The following PPP4R3B variants were observed in gnomAD, a reference collection of about 807,000 sequenced individuals.
PPP4R3B encodes serine/threonine-protein phosphatase 4 regulatory subunit 3B.
A neutral mutation model predicts 95.4 loss-of-function variants in PPP4R3B; 52 were observed. The ratio of observed to expected loss-of-function variants is 0.54; its 90% CI spans 0.44 to 0.69. The LOEUF (loss-of-function observed/expected upper bound fraction) is 0.69, where lower values mean the gene tolerates loss of function less well. PPP4R3B is among the 30% of genes least tolerant of loss of function. The pLI, the probability that PPP4R3B is intolerant of heterozygous loss-of-function variation, is 0.00. For missense variants in PPP4R3B, 1,003 were observed against 1,005.9 expected, an observed-to-expected ratio of 1.00 and a Z score of 0.04; for synonymous variants, 407 against 343.9, an observed-to-expected ratio of 1.18 and a Z score of -2.03.
chr2:55,559,111 G>C (rs948636265), intron 15 of PPP4R3B, 143 bp from the exon 16 acceptor site: 1 of 603,738 alleles, frequency 1.7e-6, no homozygotes, highest in Non-Finnish European at 2.8e-6. Flanking sequence ...ACTTTGGGAG[G>C]CTGAGGCAGG....
rs1030142573 is a variant in PPP4R3B at position 55,549,230 on chromosome 2, G to C, written c.*681C>G. On this transcript the variant is annotated 3_prime_UTR_variant, in exon 17 of 17. Coordinates refer to ENST00000616407, the MANE Select transcript of PPP4R3B (RefSeq NM_001122964.3). Reference sequence around the variant, plus strand: ...TTCTTGGCCTTCGTTGTCTCTAAAAGTGCTGATTTTAACATTATCTTAAAA... The same window carrying C: ...TTCTTGGCCTTCGTTGTCTCTAAAACTGCTGATTTTAACATTATCTTAAAA... 1 of 152,498 alleles carries C rather than the reference G, an allele frequency of 6.6e-6. No homozygotes were observed. The highest frequency in any genetic ancestry group is 2.4e-5 in the African/African-American group (1 of 41,448). The allele number at this position is 152,498 out of a possible 1,614,324, so 9.4% of individuals were successfully genotyped here. A position where few individuals can be genotyped will look rare whatever the true frequency, so the allele number is the denominator to read the frequency against.
At chr2:55,617,113 ATCCCCTAT>A in intron 1 of PPP4R3B, 23 bp downstream of exon 1, 2 of 1,585,792 alleles carry the variant, frequency 1.3e-6, no homozygotes, top group Non-Finnish European at 8.6e-7. Flanking sequence ...CAGAGGCACT[ATCCCCTAT>A]TCTACAGTTC....
intron 7 of PPP4R3B, 64 bp downstream of exon 7, chr2:55,584,987 A>T: frequency 8.8e-7 from 1 of 1,133,808 alleles, no homozygotes; most frequent in African/African-American, 1.6e-5. Flanking sequence ...TTTTTCTCTC[A>T]ATAGTTTGCA....
At chr2:55,596,721 G>A (rs1304940428) in intron 4 of PPP4R3B, among the ~76,000 whole-genome samples, 5 of 152,232 alleles carry the variant, frequency 3.3e-5, no homozygotes, top group Admixed American at 2.0e-4. Context: ...CCAGCACTTT[G>A]GGAGGCCAAG....
At chr2:55,595,809 A>G (rs914625515) in intron 4 of PPP4R3B, among the ~76,000 whole-genome samples, 38 of 152,144 alleles carry the variant, frequency 2.5e-4, no homozygotes, top group Non-Finnish European at 3.5e-4. Context: ...AAATGCCTGT[A>G]AGAGGGGCTC....
chr2:55,553,182 A>T (rs1685442517), intron 16 of PPP4R3B, among the ~76,000 whole-genome samples: 2 of 152,214 alleles, frequency 1.3e-5, no homozygotes, highest in Admixed American at 1.3e-4. Context: ...AGGCAAAGTA[A>T]AGGGCATGGG....
rs189593237 is a variant in PPP4R3B at position 55,584,783 on chromosome 2, T to C, written c.1233+268A>G. Among the ~76,000 whole-genome samples the C allele has an allele frequency of 1.2e-3, 182 of 152,336 alleles. 1 individual carries two copies. The highest frequency in any genetic ancestry group is 0.01 in the Middle Eastern group (3 of 294). ...GCTTGAAATTACATTTCATTAACACTTGAAATTTAAGACCAATATTTACAA... is the reference window on the plus strand; with the variant it reads ...GCTTGAAATTACATTTCATTAACACCTGAAATTTAAGACCAATATTTACAA... On this transcript the variant is annotated intron_variant, in intron 7 of 16. Transcript: ENST00000616407.
At position 55,586,746 on chromosome 2, in the gene PPP4R3B, GA is replaced by G. The variant is rs1405845430; in HGVS notation, c.1000-13del. ...TTGAAAAAATTAACCTGTAATGTCA[GA>G]AATTTTAGTGAGACATTGATAAACA... On this transcript the variant is annotated splice_polypyrimidine_tract_variant and intron_variant, in intron 5 of 16. Coordinates refer to ENST00000616407, the MANE Select transcript of PPP4R3B (RefSeq NM_001122964.3). 6.6e-7 allele frequency: 1 copy of G among 1,509,982 alleles called. No homozygotes were observed. The allele number at this position is 1,509,982 out of a possible 1,614,324, so 93.5% of individuals were successfully genotyped here.
intron 2 of PPP4R3B, 78 bp downstream of exon 2, chr2:55,615,373 G>C: frequency 9.7e-7 from 1 of 1,029,134 alleles, no homozygotes; most frequent in South Asian, 1.4e-5. Flanking sequence ...TGTCAGGAAA[G>C]CTTTCCCACC....
At position 55,549,978 on chromosome 2, in the gene PPP4R3B, G is replaced by A; in HGVS notation, c.2483C>T (p.Pro828Leu). ...TTCTTCATCTTCCTCTTCATCATCT[G>A]GATAATCCACTAAGCCAACCAAACT... ...KGSLVGLVDYPDDEEEDEEEE... is the reference protein window; with the variant it reads ...KGSLVGLVDYLDDEEEDEEEE... The change falls in exon 17 of 17, where the codon CCA becomes CTA. Residue 828 changes from proline to leucine, a missense_variant. Pro to Leu is a moderately conservative substitution (Grantham distance 98). Around this residue, in one of 3 missense-constraint regions of PPP4R3B, gnomAD observed 229 missense variants for 194.7 expected, o/e 1.18. Coordinates refer to ENST00000616407, the MANE Select transcript of PPP4R3B (RefSeq NM_001122964.3). The A allele has an allele frequency of 6.2e-7, 1 of 1,612,214 alleles. No individual in the cohort carries two copies. Among genetic ancestry groups the A allele is most frequent in the Non-Finnish European group, 8.5e-7 (1 of 1,179,542 alleles).
intron 15 of PPP4R3B, among the ~76,000 whole-genome samples, chr2:55,559,175 C>T (rs62165182): frequency 0.44 from 66,854 of 151,602 alleles, 15,761 homozygotes; most frequent in Non-Finnish European, 0.52. Flanking sequence ...GGAGAAACCC[C>T]GTCTCTGCTA....
At chr2:55,561,117 G>C (rs62165184) in intron 15 of PPP4R3B, among the ~76,000 whole-genome samples, 67,475 of 151,982 alleles carry the variant, frequency 0.44, 15,865 homozygotes, top group Non-Finnish European at 0.52. Context: ...CTGCATCCCA[G>C]GTGCTGCAGC....
At chr2:55,606,385 T>C (rs1380603190) in intron 2 of PPP4R3B, among the ~76,000 whole-genome samples, 2 of 152,094 alleles carry the variant, frequency 1.3e-5, no homozygotes, top group Admixed American at 1.3e-4. Context: ...TATAAATCCA[T>C]ATTTAAAATT....
chr2:55,579,580 CTG>C, intron 9 of PPP4R3B, 97 bp downstream of exon 9: 1 of 688,620 alleles, frequency 1.5e-6, no homozygotes, highest in Non-Finnish European at 2.2e-6. Flanking sequence ...CGTAATCTCC[CTG>C]TCTTATAAAG....
chr2:55,565,072 A>G (rs1029959615), intron 13 of PPP4R3B, 31 bp from the exon 14 acceptor site: 3 of 1,492,210 alleles, frequency 2.0e-6, no homozygotes, highest in Non-Finnish European at 2.7e-6. Context: ...CATTTAAAAT[A>G]TAATACAATG....
chr2:55,575,710 T>A (rs1688581102), intron 11 of PPP4R3B, among the ~76,000 whole-genome samples: 1 of 152,146 alleles, frequency 6.6e-6, no homozygotes, highest in African/African-American at 2.4e-5. Flanking sequence ...AGTGCTGAGA[T>A]TACAGGTGTG....
rs1453128090 is a variant in PPP4R3B, at chr2:55,604,050, T to C, written c.225A>G (p.Ala75=). Residue 75 remains alanine, a synonymous_variant, in exon 3 of 17, where the codon GCA becomes GCG. Coordinates refer to ENST00000616407, the MANE Select transcript of PPP4R3B (RefSeq NM_001122964.3). ...AACTCAGAGCCAAATCATAGTTCTC[T>C]GCTTCTGACCAAACAATTAATGTAT... ...QQDTLIVWSE[A]ENYDLALSFQ... 9 of 1,609,040 alleles carry C rather than the reference T, an allele frequency of 5.6e-6. No individual in the cohort carries two copies. The Middle Eastern group carries it at 4.9e-4, about 88-fold the overall frequency.
Position 55,598,845 on chromosome 2 carries a change from G to A in PPP4R3B, c.492C>T (p.Leu164=), listed in dbSNP as rs551945172. ...SSPIRREKLA[L]ALENEGYIKK... ...TAATATAGCCTTCATTTTCCAAGGC[G>A]AGAGCCAGCTTTTCCCTACGGATAG... Residue 164 remains leucine, a synonymous_variant, in exon 4 of 17, where the codon CTC becomes CTT. Transcript: ENST00000616407. 1.6e-5 allele frequency: 26 copies of A among 1,614,050 alleles called. No homozygotes were observed. The highest frequency in any genetic ancestry group is 1.6e-4 in the Middle Eastern group (1 of 6,084).
chr2:55,587,583 C>T (rs956678884), intron 5 of PPP4R3B, among the ~76,000 whole-genome samples: 3 of 151,960 alleles, frequency 2.0e-5, no homozygotes, highest in Non-Finnish European at 2.9e-5. Context: ...GACTCTTTTT[C>T]GAAAAGAAAA....
Sources: allele counts gnomAD v4.1 joint callset (sites outside exome capture counted in the v4.1 genomes callset), GRCh38; gene constraint gnomAD v4.1.1; regional missense constraint gnomAD v4.1.1; transcripts MANE v1.5; gene names NCBI Gene and HGNC (gene_info 2026-07-23, HGNC 2026-07-21).